DPF3: variants seen among roughly 807,000 people sequenced by gnomAD.
The protein encoded by DPF3 is double PHD fingers 3, also known as zinc finger protein DPF3.
A neutral mutation model predicts 56.8 loss-of-function variants in DPF3; 18 were observed. The ratio of observed to expected loss-of-function variants is 0.32; its 90% CI spans 0.22 to 0.47. The LOEUF is 0.47. DPF3 is among the 20% of genes least tolerant of loss of function. DPF3 has a pLI of 1.00. For synonymous variants in DPF3, 188 were observed against 180.2 expected (o/e 1.04, Z -0.35); for missense variants, 403 against 488.8 (o/e 0.82, Z 1.65).
chr14:72,760,041 G>A (rs1891001762), intron 2 of DPF3, among the ~76,000 whole-genome samples: 1 of 133,000 alleles, frequency 7.5e-6, no homozygotes, highest in South Asian at 2.3e-4. Context: ...TAGGCAGAAG[G>A]AAAGTAATAC....
chr14:72,800,803 T>C (rs1194363583), intron 1 of DPF3, among the ~76,000 whole-genome samples: 1 of 152,162 alleles, frequency 6.6e-6, no homozygotes, highest in Non-Finnish European at 1.5e-5. Flanking sequence ...CAGGGATGGA[T>C]GCATAGATGG....
intron 1 of DPF3, among the ~76,000 whole-genome samples, chr14:72,809,894 G>A (rs1882960605): frequency 6.6e-6 from 1 of 152,184 alleles, no homozygotes; most frequent in African/African-American, 2.4e-5. Flanking sequence ...ATGACTCTGG[G>A]CAGTTTACAT....
intron 7 of DPF3, among the ~76,000 whole-genome samples, chr14:72,692,869 C>T (rs1157869608): frequency 6.6e-6 from 1 of 152,174 alleles, no homozygotes; most frequent in Non-Finnish European, 1.5e-5. Flanking sequence ...TGTGTGAGCC[C>T]AGCCCTGCTA....
intron 6 of DPF3, among the ~76,000 whole-genome samples, chr14:72,707,161 A>C (rs988929409): frequency 2.6e-5 from 4 of 152,056 alleles, no homozygotes; most frequent in Non-Finnish European, 5.9e-5. Context: ...TGAACTCATC[A>C]TTTTTTATGG....
At chr14:72,812,614 C>A (rs540275159) in intron 1 of DPF3, among the ~76,000 whole-genome samples, 1 of 152,022 alleles carries the variant, frequency 6.6e-6, no homozygotes, top group African/African-American at 2.4e-5. Flanking sequence ...GCGGAGAGTA[C>A]GGAGAGTACG....
intron 7 of DPF3, among the ~76,000 whole-genome samples, chr14:72,685,980 A>G (rs1887393977): frequency 6.6e-6 from 1 of 152,218 alleles, no homozygotes. Context: ...TCTTATTTCC[A>G]CAATTGCACC....
chr14:72,762,402 A>G (rs997411974), intron 2 of DPF3, among the ~76,000 whole-genome samples: 6 of 152,044 alleles, frequency 3.9e-5, no homozygotes, highest in Admixed American at 2.0e-4. Context: ...CAATCAATGT[A>G]ACTCATTATG....
At chr14:72,879,917 T>A in intron 1 of DPF3, 6 of 1,512,224 alleles carry the variant, frequency 4.0e-6, no homozygotes, top group Non-Finnish European at 5.3e-6. Flanking sequence ...GGGGAGATGA[T>A]CCACAACTTT....
At position 72,773,133 on chromosome 14, in the gene DPF3, GTTTTT is replaced by G. The variant is rs61015684; in HGVS notation, c.33-1245_33-1241del. On this transcript the variant is annotated intron_variant, in intron 1 of 10. Coordinates refer to ENST00000556509, the MANE Select transcript of DPF3 (RefSeq NM_001280542.3). ...AAAATTGGGGTGTTGGGTTTTTTGG[GTTTTT>G]TTTTTTTTTTTTGAGATGGAGTCTC... Among the ~76,000 whole-genome samples, 30 of 117,658 alleles carry G rather than the reference GTTTTT, an allele frequency of 2.5e-4. 1 individual carries two copies. Among genetic ancestry groups the G allele is most frequent in the African/African-American group, 9.2e-4 (29 of 31,552 alleles). The allele number at this position is 117,658 out of a possible 152,430, so 77.2% of individuals were successfully genotyped here. A position where few individuals can be genotyped will look rare whatever the true frequency, so the allele number is the denominator to read the frequency against.
chr14:72,655,987 C>T (rs769408422), intron 8 of DPF3, among the ~76,000 whole-genome samples: 2 of 152,190 alleles, frequency 1.3e-5, no homozygotes. Flanking sequence ...GTCAAAAGAA[C>T]TGCTTGTCTA....
At chr14:72,640,820 G>A (rs781494291) in intron 8 of DPF3, among the ~76,000 whole-genome samples, 1 of 152,208 alleles carries the variant, frequency 6.6e-6, no homozygotes, top group Non-Finnish European at 1.5e-5. Context: ...ACAAGACCAG[G>A]CTAGAGATAT....
chr14:72,651,962 A>AGGAT (rs969005446), intron 8 of DPF3, among the ~76,000 whole-genome samples: 14 of 152,222 alleles, frequency 9.2e-5, no homozygotes, highest in African/African-American at 2.9e-4. Flanking sequence ...ACTCACAGCC[A>AGGAT]GGATGGGTTC....
chr14:72,757,758 C>T (rs966552098), intron 2 of DPF3, among the ~76,000 whole-genome samples: 3 of 151,986 alleles, frequency 2.0e-5, no homozygotes, highest in Non-Finnish European at 2.9e-5. Context: ...AAATACTATG[C>T]CATTTTATAT....
chr14:72,735,604 A>G (rs1889858428), intron 3 of DPF3, among the ~76,000 whole-genome samples: 1 of 152,244 alleles, frequency 6.6e-6, no homozygotes, highest in African/African-American at 2.4e-5. Flanking sequence ...AGAAAGATAT[A>G]GAGATTCCCC....
At chr14:72,625,250 C>T (rs1446864340) in intron 9 of DPF3, among the ~76,000 whole-genome samples, 2 of 151,890 alleles carry the variant, frequency 1.3e-5, no homozygotes, top group Non-Finnish European at 1.5e-5. Context: ...TAAGGAAGAG[C>T]TTACCTTCTC....
At chr14:72,879,727 C>G in intron 1 of DPF3, 1 of 1,447,104 alleles carries the variant, frequency 6.9e-7, no homozygotes, top group Non-Finnish European at 9.1e-7. Flanking sequence ...TGACAAGAGT[C>G]GTCTCTCTGG....
intron 1 of DPF3, among the ~76,000 whole-genome samples, chr14:72,818,986 T>C (rs1883411670): frequency 6.6e-6 from 1 of 152,206 alleles, no homozygotes; most frequent in African/African-American, 2.4e-5. Context: ...AAAGGATCTA[T>C]ATCCAGAATA....
At chr14:72,790,502 T>C (rs1599443901) in intron 1 of DPF3, among the ~76,000 whole-genome samples, 1 of 152,222 alleles carries the variant, frequency 6.6e-6, no homozygotes, top group Admixed American at 6.5e-5. Flanking sequence ...CTGTTCTTTA[T>C]TTATTAGACT....
rs545969048 is a variant in DPF3 at position 72,623,890 on chromosome 14, G to A, written c.985-3906C>T. Among the ~76,000 whole-genome samples, 18 of 152,214 alleles carry A rather than the reference G, an allele frequency of 1.2e-4. No individual in the cohort carries two copies. The South Asian group carries it at 3.7e-3, about 32-fold the overall frequency. On this transcript the variant is annotated intron_variant, in intron 9 of 10. Coordinates refer to ENST00000556509, the MANE Select transcript of DPF3 (RefSeq NM_001280542.3). The stretch of plus-strand genomic sequence containing the variant: ...GGGAGAAATAAGTGATTCCAGGTCT[G>A]GAGCATAAAATGTATAAATATATTT...
Sources: allele counts gnomAD v4.1 joint callset (sites outside exome capture counted in the v4.1 genomes callset), GRCh38; gene constraint gnomAD v4.1.1; transcripts MANE v1.5; gene names NCBI Gene and HGNC (gene_info 2026-07-23, HGNC 2026-07-21).